LRBA: variants seen among roughly 807,000 people sequenced by gnomAD.
LRBA encodes the protein LPS responsive beige-like anchor protein, also known as lipopolysaccharide-responsive and beige-like anchor protein.
A neutral mutation model predicts 330.0 loss-of-function variants in LRBA; 176 were observed. The observed-to-expected ratio is 0.53, with a 90% CI of 0.47 to 0.60. The LOEUF (loss-of-function observed/expected upper bound fraction) is 0.60, where lower values mean the gene tolerates loss of function less well. Among genes scored for constraint, LRBA ranks in the 20% least tolerant of loss-of-function variants. The probability of loss-of-function intolerance (pLI) is 0.00; values close to 1 mark genes in which losing one functional copy is unlikely to be tolerated. For synonymous variants in LRBA, 1,230 were observed against 1,193.0 expected (o/e 1.03, Z -0.64); for missense variants, 3,259 against 3,444.8 (o/e 0.95, Z 1.35).
At chr4:150,891,175 C>A (rs1729421639) in intron 17 of LRBA, among the ~76,000 whole-genome samples, 1 of 152,148 alleles carries the variant, frequency 6.6e-6, no homozygotes, top group Non-Finnish European at 1.5e-5. Context: ...TATCATACGA[C>A]CTATCCATTA....
At chr4:150,737,828 A>G (rs1731411124) in intron 35 of LRBA, among the ~76,000 whole-genome samples, 1 of 152,066 alleles carries the variant, frequency 6.6e-6, no homozygotes, top group African/African-American at 2.4e-5. Flanking sequence ...AAACTATAAT[A>G]TCACTTAACT....
chr4:150,610,068 C>T (rs574038023), intron 37 of LRBA, among the ~76,000 whole-genome samples: 8 of 151,528 alleles, frequency 5.3e-5, no homozygotes, highest in East Asian at 1.9e-4. Context: ...TTTTCTATTA[C>T]GTAGCATATT....
intron 37 of LRBA, among the ~76,000 whole-genome samples, chr4:150,664,041 T>A (rs1009887003): frequency 6.6e-5 from 10 of 152,140 alleles, no homozygotes; most frequent in African/African-American, 2.2e-4. Flanking sequence ...TGGTTAGAGA[T>A]GCACGAAAAA....
At chr4:150,904,671 A>G (rs944774478) in intron 13 of LRBA, among the ~76,000 whole-genome samples, 1 of 152,172 alleles carries the variant, frequency 6.6e-6, no homozygotes, top group Admixed American at 6.5e-5. Flanking sequence ...ACTTGAAACA[A>G]TCCTCAAAAA....
intron 44 of LRBA, among the ~76,000 whole-genome samples, chr4:150,466,293 C>A (rs898426854): frequency 6.6e-6 from 1 of 152,026 alleles, no homozygotes; most frequent in African/African-American, 2.4e-5. Flanking sequence ...AGAGAACACA[C>A]TCTTAGAGTC....
chr4:150,885,208 A>G (rs1279714579), intron 17 of LRBA, among the ~76,000 whole-genome samples: 1 of 151,616 alleles, frequency 6.6e-6, no homozygotes, highest in East Asian at 1.9e-4. Flanking sequence ...TCCAAAAAAA[A>G]AAAAAAAAGG....
intron 40 of LRBA, among the ~76,000 whole-genome samples, chr4:150,492,301 A>G (rs902737519): frequency 2.5e-4 from 38 of 152,110 alleles, no homozygotes; most frequent in Admixed American, 1.1e-3. Flanking sequence ...ACTCTAAGGG[A>G]GAGTGTTTCT....
chr4:150,765,416 A>G (rs1459671341), intron 34 of LRBA, among the ~76,000 whole-genome samples: 2 of 152,098 alleles, frequency 1.3e-5, no homozygotes, highest in East Asian at 3.8e-4. Context: ...TTTGGGTGAT[A>G]ATGATATGTC....
chr4:150,607,630 G>T (rs1461151149), intron 37 of LRBA, among the ~76,000 whole-genome samples: 5 of 151,970 alleles, frequency 3.3e-5, no homozygotes, highest in Non-Finnish European at 5.9e-5. Flanking sequence ...GACCAGGCAT[G>T]GTGGTTCAGG....
chr4:150,828,741 A>T (rs529785044), intron 29 of LRBA, 120 bp from the exon 30 acceptor site: 1 of 846,560 alleles, frequency 1.2e-6, no homozygotes, highest in Admixed American at 2.5e-5. Flanking sequence ...ATCATGTTCT[A>T]AAAAAGCAAA....
intron 17 of LRBA, among the ~76,000 whole-genome samples, chr4:150,875,206 CTGCT>C (rs1363994867): frequency 6.6e-6 from 1 of 152,236 alleles, no homozygotes; most frequent in Non-Finnish European, 1.5e-5. Flanking sequence ...TTCAAAATAA[CTGCT>C]TGCCTGGTTC....
intron 56 of LRBA, among the ~76,000 whole-genome samples, chr4:150,266,457 TG>T (rs1256408590): frequency 6.6e-6 from 1 of 151,980 alleles, no homozygotes; most frequent in African/African-American, 2.4e-5. Flanking sequence ...CCCAAAGAGG[TG>T]GTGCAGGGAA....
At chr4:150,733,625 A>G (rs1730797476) in intron 36 of LRBA, among the ~76,000 whole-genome samples, 3 of 151,810 alleles carry the variant, frequency 2.0e-5, no homozygotes, top group Admixed American at 6.6e-5. Flanking sequence ...CAGACTATCC[A>G]GCATGGAATT....
At chr4:150,870,466 A>C (rs925808988) in intron 20 of LRBA, 59 bp downstream of exon 20, 1 of 874,150 alleles carries the variant, frequency 1.1e-6, no homozygotes, top group Non-Finnish European at 2.0e-6. Context: ...GGTTGTTCAC[A>C]GTGACTTTCT....
intron 56 of LRBA, among the ~76,000 whole-genome samples, chr4:150,267,004 T>C (rs1003140915): frequency 4.6e-5 from 7 of 151,932 alleles, no homozygotes. Context: ...CACAGAAATA[T>C]AACAATTATA....
At chr4:150,443,877 T>A (rs370580067) in intron 44 of LRBA, among the ~76,000 whole-genome samples, 39,030 of 69,666 alleles carry the variant, frequency 0.56, 8,973 homozygotes, top group Middle Eastern at 0.65. Context: ...TATATATTTT[T>A]TTTTTTTTTT....
intron 30 of LRBA, among the ~76,000 whole-genome samples, chr4:150,820,083 T>C (rs1177687671): frequency 6.6e-6 from 1 of 152,088 alleles, no homozygotes; most frequent in Non-Finnish European, 1.5e-5. Flanking sequence ...TTATAAATTC[T>C]AATAGCAGCT....
At chr4:150,315,883 G>C (rs955691145) in intron 50 of LRBA, among the ~76,000 whole-genome samples, 3 of 152,148 alleles carry the variant, frequency 2.0e-5, no homozygotes, top group Admixed American at 6.5e-5. Context: ...TGCTTGACTG[G>C]CAACCTCTGA....
intron 37 of LRBA, among the ~76,000 whole-genome samples, chr4:150,621,633 C>T (rs188760346): frequency 6.6e-6 from 1 of 152,170 alleles, no homozygotes; most frequent in Non-Finnish European, 1.5e-5. Flanking sequence ...AAAAGTGCTA[C>T]CATTTTGATA....
Sources: allele counts gnomAD v4.1 joint callset (sites outside exome capture counted in the v4.1 genomes callset), GRCh38; gene constraint gnomAD v4.1.1; transcripts MANE v1.5; gene names NCBI Gene and HGNC (gene_info 2026-07-23, HGNC 2026-07-21).